RFC3: variants seen among roughly 807,000 people sequenced by gnomAD.
RFC3 encodes replication factor C subunit 3.
A neutral mutation model predicts 45.1 loss-of-function variants in RFC3; 41 were observed. That is an observed-to-expected ratio of 0.91 (90% CI 0.71 to 1.18). The LOEUF (loss-of-function observed/expected upper bound fraction) is 1.18, where lower values mean the gene tolerates loss of function less well. Ranked by LOEUF, RFC3 falls within the 50% of genes most tolerant of loss-of-function variation. RFC3 has a pLI of 0.00. For synonymous variants in RFC3, 149 were observed against 144.0 expected (o/e 1.03, Z -0.25); for missense variants, 423 against 428.1 (o/e 0.99, Z 0.10).
chr13:33,954,904 A>G (rs1044567153), intron 8 of RFC3, among the ~76,000 whole-genome samples: 1 of 152,208 alleles, frequency 6.6e-6, no homozygotes, highest in Admixed American at 6.5e-5. Context: ...AGCAAAGCCC[A>G]TTGCTTACTG....
At position 33,836,398 on chromosome 13, in the gene RFC3, T is replaced by C; in HGVS notation, c.*103T>C. ...ATTAACTGAACTTAATCATGTCGTA[T>C]TTGCGTTTTTTTGGTAATAACTTCT... On this transcript the variant is annotated 3_prime_UTR_variant, in exon 9 of 9. Transcript: ENST00000380071. 6.7e-7 allele frequency: 1 copy of C among 1,500,184 alleles called. No homozygotes were observed. The highest frequency in any genetic ancestry group is 1.4e-5 in the South Asian group (1 of 73,308). 92.9% of individuals were successfully genotyped at this position (1,500,184 alleles called of 1,614,324 possible).
chr13:33,818,279 G>GAA lies in RFC3; in HGVS notation c.87+14_87+15insAA, dbSNP rs1468307242. The GAA allele has an allele frequency of 1.2e-6, 2 of 1,611,958 alleles. No individual in the cohort carries two copies. The highest frequency in any genetic ancestry group is 4.5e-5 in the East Asian group (2 of 44,870). ...CTGCGGAACCTGGTGAGTCTGCGGG[G>GAA]GCCGGGAGCGTGGGAGAGGGGAGGC... On this transcript the variant is annotated intron_variant, in intron 1 of 8. Transcript: ENST00000380071.
At chr13:33,934,883 C>A (rs1353180070) in intron 8 of RFC3, among the ~76,000 whole-genome samples, 6 of 152,142 alleles carry the variant, frequency 3.9e-5, no homozygotes, top group Non-Finnish European at 5.9e-5. Context: ...TGTCCTATAT[C>A]CAGTGCTCTC....
At chr13:33,976,165 T>C in the RFC3 span, among the ~76,000 whole-genome samples, 1 of 152,114 alleles carries the variant, frequency 6.6e-6, no homozygotes, top group Non-Finnish European at 1.5e-5. Context: ...TATAAACATA[T>C]GAAATAAAAA....
chr13:33,868,624 T>A (rs1391462654), intron 8 of RFC3, among the ~76,000 whole-genome samples: 1 of 152,190 alleles, frequency 6.6e-6, no homozygotes, highest in Non-Finnish European at 1.5e-5. Flanking sequence ...TGTAACTAAG[T>A]AACCAGTGGG....
intron 8 of RFC3, among the ~76,000 whole-genome samples, chr13:33,955,458 A>T (rs145011620): frequency 6.6e-6 from 1 of 152,190 alleles, no homozygotes; most frequent in Non-Finnish European, 1.5e-5. Flanking sequence ...GTATATCTAC[A>T]TGATAAACAG....
At chr13:33,910,586 A>G (rs1051883828) in intron 8 of RFC3, among the ~76,000 whole-genome samples, 1 of 152,118 alleles carries the variant, frequency 6.6e-6, no homozygotes, top group South Asian at 2.1e-4. Flanking sequence ...AGTCAAGACC[A>G]TAGGCAGAAT....
intron 8 of RFC3, among the ~76,000 whole-genome samples, chr13:33,938,837 AAC>A (rs949799616): frequency 1.8e-4 from 27 of 152,262 alleles, no homozygotes; most frequent in African/African-American, 6.3e-4. Flanking sequence ...GCTACAACAA[AAC>A]AGTTTTCCAA....
At chr13:33,859,593 A>G (rs1056124857) in intron 8 of RFC3, among the ~76,000 whole-genome samples, 2 of 152,238 alleles carry the variant, frequency 1.3e-5, no homozygotes, top group South Asian at 2.1e-4. Context: ...GTGGCAGACT[A>G]TGGATAATTC....
intron 8 of RFC3, among the ~76,000 whole-genome samples, chr13:33,908,464 G>A (rs775379293): frequency 9.9e-5 from 15 of 151,960 alleles, no homozygotes; most frequent in Non-Finnish European, 1.8e-4. Flanking sequence ...TAGTTCTCAC[G>A]GAGATCATCA....
intron 8 of RFC3, among the ~76,000 whole-genome samples, chr13:33,906,987 C>A (rs1034309315): frequency 2.6e-5 from 4 of 152,120 alleles, no homozygotes; most frequent in East Asian, 3.9e-4. Context: ...TGCTACCATG[C>A]GTGGCTAATT....
At chr13:33,955,055 C>CGT (rs2083013691) in intron 8 of RFC3, among the ~76,000 whole-genome samples, 2 of 152,120 alleles carry the variant, frequency 1.3e-5, no homozygotes, top group Non-Finnish European at 2.9e-5. Context: ...TCTACATGGC[C>CGT]GTGTGTGTGG....
At chr13:33,901,723 A>G (rs1243952298) in intron 8 of RFC3, among the ~76,000 whole-genome samples, 1 of 152,150 alleles carries the variant, frequency 6.6e-6, no homozygotes, top group African/African-American at 2.4e-5. Flanking sequence ...AAAAGTATTT[A>G]AGGTGATGGT....
At chr13:33,828,531 G>A (rs1451044315) in intron 4 of RFC3, among the ~76,000 whole-genome samples, 1 of 152,136 alleles carries the variant, frequency 6.6e-6, no homozygotes, top group South Asian at 2.1e-4. Flanking sequence ...CTCCCCCCTC[G>A]GTAAGACTGC....
At chr13:33,907,763 C>G (rs1427018123) in intron 8 of RFC3, among the ~76,000 whole-genome samples, 2 of 151,962 alleles carry the variant, frequency 1.3e-5, no homozygotes, top group Non-Finnish European at 2.9e-5. Flanking sequence ...ATTTTTGGTA[C>G]AGTAATTTTC....
At chr13:33,824,563 G>C (rs1289928130) in intron 3 of RFC3, among the ~76,000 whole-genome samples, 1 of 152,108 alleles carries the variant, frequency 6.6e-6, no homozygotes, top group African/African-American at 2.4e-5. Flanking sequence ...AAGCTGCTAT[G>C]ATCTGTGGGG....
At chr13:33,934,750 A>G (rs1357965571) in intron 8 of RFC3, among the ~76,000 whole-genome samples, 2 of 152,046 alleles carry the variant, frequency 1.3e-5, no homozygotes, top group Admixed American at 6.6e-5. Flanking sequence ...TTGTTTTCCT[A>G]TGCCAAGCAT....
chr13:33,887,480 T>G (rs1403632388), intron 8 of RFC3, among the ~76,000 whole-genome samples: 2 of 152,138 alleles, frequency 1.3e-5, no homozygotes, highest in African/African-American at 2.4e-5. Flanking sequence ...TTTGATGGTG[T>G]TGTTTGGTTT....
chr13:33,925,787 T>C (rs1374506579), intron 8 of RFC3, among the ~76,000 whole-genome samples: 1 of 151,772 alleles, frequency 6.6e-6, no homozygotes, highest in Non-Finnish European at 1.5e-5. Flanking sequence ...AGAAAGAGAC[T>C]ATGGAATGAA....
Sources: allele counts gnomAD v4.1 joint callset (sites outside exome capture counted in the v4.1 genomes callset), GRCh38; gene constraint gnomAD v4.1.1; transcripts MANE v1.5; gene names NCBI Gene and HGNC (gene_info 2026-07-23, HGNC 2026-07-21).